The following SBNO2 variants were observed in gnomAD, a reference collection of about 807,000 sequenced individuals.
SBNO2 encodes the protein strawberry notch homolog 2, also known as protein strawberry notch homolog 2.
A neutral mutation model predicts 146.3 loss-of-function variants in SBNO2; 89 were observed. The observed-to-expected ratio is 0.61, with a 90% confidence interval of 0.51 to 0.73. The LOEUF is 0.73. Among genes scored for constraint, SBNO2 ranks in the 30% least tolerant of loss-of-function variants. The probability of loss-of-function intolerance (pLI) is 0.00; values close to 1 mark genes in which losing one functional copy is unlikely to be tolerated. For synonymous variants in SBNO2, 1,147 were observed against 892.6 expected (o/e 1.29, Z -5.08); for missense variants, 2,092 against 2,003.7 (o/e 1.04, Z -0.84).
chr19:1,172,366 C>T (rs1850801405), intron 1 of SBNO2, among the ~76,000 whole-genome samples: 1 of 152,218 alleles, frequency 6.6e-6, no homozygotes, highest in South Asian at 2.1e-4. Flanking sequence ...GAGCAGGCCA[C>T]TGTGAGAAGC....
chr19:1,109,772 C>A lies in SBNO2; in HGVS notation c.3034G>T (p.Ala1012Ser). ...GKYDMGILDL[A>S]PGIEEIYEES... ...TCGTAGATCTCCTCGATACCGGGAG[C>A]AAGGTCTAGGGGGGCGGGTGGAGGG... Residue 1012 changes from alanine to serine, a missense_variant, in exon 27 of 32, where the codon GCT (alanine) becomes TCT (serine). By Grantham distance (99) the Ala-to-Ser change is moderately conservative. Coordinates refer to ENST00000361757, the MANE Select transcript of SBNO2 (RefSeq NM_014963.3). This position sits in a 1 kb window ranked among gnomAD's most constrained non-coding sequence, Gnocchi z 4.2. 6.3e-7 allele frequency: 1 copy of A among 1,580,476 alleles called. No individual in the cohort carries two copies. The highest frequency in any genetic ancestry group is 8.6e-7 in the Non-Finnish European group (1 of 1,157,888).
chr19:1,119,538 A>C lies in SBNO2; in HGVS notation c.1351T>G (p.Phe451Val). 1 of 1,609,814 alleles carries C rather than the reference A, an allele frequency of 6.2e-7. No homozygotes were observed. Among genetic ancestry groups the C allele is most frequent in the Non-Finnish European group, 8.5e-7 (1 of 1,178,386 alleles). Residue 451 changes from phenylalanine (F) to valine (V), a missense_variant, in exon 13 of 32, where the codon TTC becomes GTC. By Grantham distance (50) the Phe-to-Val change is conservative. Coordinates refer to ENST00000361757, the MANE Select transcript of SBNO2 (RefSeq NM_014963.3). ...EGTPFRNFEE[F>V]LHAIEKRGVG... is the part of the protein sequence containing the mutation. ...CACCTCTTCTCGATGGCGTGCAGGA[A>C]CTCCTCAAAGTTCCGGAAGGGTGTG...
rs373236630 is a variant in SBNO2, at chr19:1,128,582, G to A, written c.280-817C>T. On this transcript the variant is annotated intron_variant, in intron 4 of 31. Transcript: ENST00000361757. ...TAATTTTTGTATTTTTAGTAGAGAC[G>A]GGGTTTCACCGTGTTGGTCAGGCTG... is the stretch of plus-strand genomic sequence containing the variant. 7.9e-5 allele frequency among the ~76,000 whole-genome samples: 12 copies of A among 151,764 alleles called. No homozygotes were observed. In the East Asian group the frequency reaches 1.2e-3, roughly 15 times the overall value.
chr19:1,164,141 G>A (rs548209330), intron 1 of SBNO2, among the ~76,000 whole-genome samples: 11 of 152,216 alleles, frequency 7.2e-5, no homozygotes, highest in Non-Finnish European at 1.5e-4. Context: ...ACTGCACCCC[G>A]ATTTCGAGGG....
rs778713133 is a variant in SBNO2, at chr19:1,116,041, C to A, written c.1865G>T (p.Gly622Val). 6.2e-7 allele frequency: 1 copy of A among 1,610,770 alleles called. No individual in the cohort carries two copies. Among genetic ancestry groups the A allele is most frequent in the Admixed American group, 1.7e-5 (1 of 59,900 alleles). The change falls in exon 17 of 32, where the codon GGA becomes GTA. Residue 622 changes from glycine (G) to valine (V), a missense_variant. Transcript: ENST00000361757. ...FPSTKRKRDRGAGSKRKRRPR... is the reference protein window; with the variant it reads ...FPSTKRKRDRVAGSKRKRRPR... ...CTTACGTTTCCGCTTGCTGCCCGCT[C>A]CTCTGTCCCGCTTTCTCTTGGTGGA...
In SBNO2 at chr19:1,127,657, T is replaced by G. The variant is rs769327927; in HGVS notation, c.388A>C (p.Asn130His). 7.4e-6 allele frequency: 12 copies of G among 1,613,472 alleles called. No homozygotes were observed. The South Asian group carries it at 1.3e-4, about 18-fold the overall frequency. ...TCGTCCCAGATGGTGGACACCTGGT[T>G]GAGGCTGTCAGCCGGCAGGAAGTCG... Reference protein sequence around the residue: ...TPDFLPADSLNQVSTIWDDNP... With the variant: ...TPDFLPADSLHQVSTIWDDNP... The change falls in exon 5 of 32, where the codon AAC becomes CAC. Residue 130 changes from asparagine to histidine, a missense_variant. Asn to His is a moderately conservative substitution (Grantham distance 68). Transcript: ENST00000361757.
At chr19:1,143,853 T>C (rs6510598) in intron 4 of SBNO2, among the ~76,000 whole-genome samples, 123,871 of 151,954 alleles carry the variant, frequency 0.82, 51,178 homozygotes, top group East Asian at 0.96. Context: ...AGGAAGCTCT[T>C]CCGTCTTGGG....
chr19:1,171,490 C>A (rs2080477061), intron 1 of SBNO2, among the ~76,000 whole-genome samples: 1 of 152,264 alleles, frequency 6.6e-6, no homozygotes, highest in South Asian at 2.1e-4. Flanking sequence ...GGAGTGTTTA[C>A]AGCTGTGGAT....
intron 1 of SBNO2, among the ~76,000 whole-genome samples, chr19:1,167,446 C>T (rs973472957): frequency 2.6e-5 from 4 of 152,194 alleles, no homozygotes; most frequent in African/African-American, 7.2e-5. Context: ...CGCCTGAGCT[C>T]GGCCGGGGGC....
In SBNO2 at chr19:1,140,566, C is replaced by A. The variant is rs1433355062; in HGVS notation, c.279+6743G>T. Among the ~76,000 whole-genome samples, 2 of 151,972 alleles carry A rather than the reference C, an allele frequency of 1.3e-5. No individual in the cohort carries two copies. On this transcript the variant is annotated intron_variant, in intron 4 of 31. Coordinates refer to ENST00000361757, the MANE Select transcript of SBNO2 (RefSeq NM_014963.3). This position sits in a 1 kb window ranked among gnomAD's most constrained non-coding sequence, Gnocchi z 4.4. ...GAGCCCCGCAGCCCACGGTGGATGCCAGCAGCGGCATCCTGGCGCAGCGTG... is the reference window on the plus strand; with the variant it reads ...GAGCCCCGCAGCCCACGGTGGATGCAAGCAGCGGCATCCTGGCGCAGCGTG...
intron 18 of SBNO2, among the ~76,000 whole-genome samples, 154 bp from the exon 19 acceptor site, chr19:1,113,858 ACTGCTTTT>A (rs1332631932): frequency 1.3e-5 from 2 of 152,294 alleles, no homozygotes; most frequent in Non-Finnish European, 1.5e-5. Context: ...GTGGCCCAGG[ACTGCTTTT>A]CTGCACTTGT....
Position 1,154,302 on chromosome 19 carries a change from C to G in SBNO2, c.-26G>C. 8.1e-7 allele frequency: 1 copy of G among 1,228,858 alleles called. No homozygotes were observed. The highest frequency in any genetic ancestry group is 1.0e-6 in the Non-Finnish European group (1 of 978,554). 76.1% of individuals were successfully genotyped at this position (1,228,858 alleles called of 1,614,324 possible). A position where few individuals can be genotyped will look rare whatever the true frequency, so the allele number is the denominator to read the frequency against. ...CGGGCGGCAGGCGGGGTGGGGTCCTCGGCCGGGCAGCAGGCGGCGGGACTC... is the reference window on the plus strand; with the variant it reads ...CGGGCGGCAGGCGGGGTGGGGTCCTGGGCCGGGCAGCAGGCGGCGGGACTC... On this transcript the variant is annotated 5_prime_UTR_variant, in exon 2 of 32. Coordinates refer to ENST00000361757, the MANE Select transcript of SBNO2 (RefSeq NM_014963.3).
At chr19:1,159,571 G>A (rs1420980531) in intron 1 of SBNO2, among the ~76,000 whole-genome samples, 2 of 56,158 alleles carry the variant, frequency 3.6e-5, no homozygotes, top group African/African-American at 8.9e-5. Flanking sequence ...GTGGGACAGC[G>A]GGGGAAGAGC....
In SBNO2 at chr19:1,109,337, C is replaced by T; in HGVS notation, c.3303G>A (p.Gln1101=). Residue 1101 remains glutamine, a synonymous_variant, in exon 29 of 32, where the codon CAG becomes CAA. Coordinates refer to ENST00000361757, the MANE Select transcript of SBNO2 (RefSeq NM_014963.3). The surrounding 1 kb of genome is among the most constrained non-coding windows in gnomAD (Gnocchi z 4.2). ...FTVYKPNIGR[Q]SQLEALDSLR... The stretch of plus-strand genomic sequence containing the variant: ...GGCTGTCCAGGGCCTCCAGCTGGCT[C>T]TGCCGGCCGATGTTGGGCTTGTACA... 1 of 1,594,708 alleles carries T rather than the reference C, an allele frequency of 6.3e-7. No individual in the cohort carries two copies. The highest frequency in any genetic ancestry group is 8.5e-7 in the Non-Finnish European group (1 of 1,171,844).
chr19:1,118,456 G>C (rs976686312), intron 14 of SBNO2, among the ~76,000 whole-genome samples: 7 of 152,246 alleles, frequency 4.6e-5, no homozygotes, highest in African/African-American at 1.7e-4. Context: ...CAGCAATGTG[G>C]ATGCTGAACA....
chr19:1,160,506 A>G (rs7260506), intron 1 of SBNO2, among the ~76,000 whole-genome samples: 97,140 of 152,066 alleles, frequency 0.64, 33,128 homozygotes, highest in East Asian at 0.89. Context: ...TGGCTACAGA[A>G]CAGAGGCAGC....
intron 19 of SBNO2, 98 bp downstream of exon 19, chr19:1,113,437 G>C: frequency 9.1e-7 from 1 of 1,094,720 alleles, no homozygotes; most frequent in Non-Finnish European, 1.3e-6. Context: ...GACGCAGAGT[G>C]ACCAGCAGGG....
rs1167488543 is a variant in SBNO2, at chr19:1,157,358, C to T, written c.-126-2956G>A. 6.6e-6 allele frequency among the ~76,000 whole-genome samples: 1 copy of T among 151,038 alleles called. No homozygotes were observed. Among genetic ancestry groups the T allele is most frequent in the African/African-American group, 2.5e-5 (1 of 40,578 alleles). On this transcript the variant is annotated intron_variant, in intron 1 of 31. Coordinates refer to ENST00000361757, the MANE Select transcript of SBNO2 (RefSeq NM_014963.3). This position sits in a 1 kb window ranked among gnomAD's most constrained non-coding sequence, Gnocchi z 6.8. Reference sequence around the variant, plus strand: ...CAGCCCCGGAGACGCTCTCCCCACGCGGCCCCGGAGACCCTCTGCCACGCA... The same window carrying T: ...CAGCCCCGGAGACGCTCTCCCCACGTGGCCCCGGAGACCCTCTGCCACGCA...
intron 2 of SBNO2, among the ~76,000 whole-genome samples, chr19:1,152,141 A>T (rs1417939049): frequency 6.6e-6 from 1 of 152,178 alleles, no homozygotes; most frequent in Non-Finnish European, 1.5e-5. Context: ...GGTTACGCGC[A>T]CGGGTGCGCC....
Sources: allele counts gnomAD v4.1 joint callset (sites outside exome capture counted in the v4.1 genomes callset), GRCh38; gene constraint gnomAD v4.1.1; non-coding constraint Gnocchi (gnomAD v3.1); transcripts MANE v1.5; gene names NCBI Gene and HGNC (gene_info 2026-07-23, HGNC 2026-07-21).